FRMPD1: variants seen among roughly 807,000 people sequenced by gnomAD.
FRMPD1 encodes the protein FERM and PDZ domain containing 1.
A neutral mutation model predicts 117.8 loss-of-function variants in FRMPD1; 76 were observed. That is an observed-to-expected ratio of 0.65 (90% confidence interval 0.54 to 0.78). The LOEUF (loss-of-function observed/expected upper bound fraction) is 0.78, where lower values mean the gene tolerates loss of function less well. Ranked by LOEUF, FRMPD1 falls within the 30% of genes least tolerant of loss-of-function variation. The pLI, the probability that FRMPD1 is intolerant of heterozygous loss-of-function variation, is 0.00. For synonymous variants in FRMPD1, 783 were observed against 770.4 expected, an observed-to-expected ratio of 1.02 and a Z score of -0.27; for missense variants, 1,786 against 1,964.5, an observed-to-expected ratio of 0.91 and a Z score of 1.72.
intron 5 of FRMPD1, among the ~76,000 whole-genome samples, 199 bp from the exon 6 acceptor site, chr9:37,718,870 C>T (rs941044523): frequency 3.3e-5 from 5 of 152,170 alleles, no homozygotes; most frequent in Non-Finnish European, 7.3e-5. Flanking sequence ...CAACTATTCT[C>T]AGGTACACGA....
At chr9:37,722,372 G>A (rs986996417) in intron 6 of FRMPD1, among the ~76,000 whole-genome samples, 1 of 151,954 alleles carries the variant, frequency 6.6e-6, no homozygotes, top group African/African-American at 2.4e-5. Context: ...TTTATATTTA[G>A]AAGATTCAAT....
chr9:37,736,851 G>A (rs1447976230), intron 13 of FRMPD1, among the ~76,000 whole-genome samples: 2 of 146,344 alleles, frequency 1.4e-5, no homozygotes, highest in Non-Finnish European at 3.0e-5. Flanking sequence ...GTGTGTGAGT[G>A]CGTGAGAGTG....
chr9:37,710,685 G>T (rs1174617964), intron 4 of FRMPD1, among the ~76,000 whole-genome samples: 1 of 151,874 alleles, frequency 6.6e-6, no homozygotes, highest in Non-Finnish European at 1.5e-5. Context: ...AATTTTTTTG[G>T]GTTGGGCACG....
At chr9:37,715,095 T>C (rs1277792706) in intron 5 of FRMPD1, among the ~76,000 whole-genome samples, 1 of 152,250 alleles carries the variant, frequency 6.6e-6, no homozygotes, top group Non-Finnish European at 1.5e-5. Context: ...CATTAATCAC[T>C]GCTTCCCTAG....
Position 37,744,443 on chromosome 9 carries a change from C to G in FRMPD1, c.2411C>G (p.Ala804Gly). The change falls in exon 16 of 16, where the codon GCC (alanine) becomes GGC (glycine). Residue 804 changes from alanine (A) to glycine (G), a missense_variant. Coordinates refer to ENST00000377765, the MANE Select transcript of FRMPD1 (RefSeq NM_014907.3). ...AGTGCCACAAGCTTGCAGAATAAGGCCAGCACTTCTAGCCCTGAGAACAGC... is the reference window on the plus strand; with the variant it reads ...AGTGCCACAAGCTTGCAGAATAAGGGCAGCACTTCTAGCCCTGAGAACAGC... Reference protein sequence around the residue: ...EPSATSLQNKASTSSPENSLP... With the variant: ...EPSATSLQNKGSTSSPENSLP... 4 of 1,613,756 alleles carry G rather than the reference C, an allele frequency of 2.5e-6. No homozygotes were observed. Among genetic ancestry groups the G allele is most frequent in the Non-Finnish European group, 2.5e-6 (3 of 1,179,852 alleles).
chr9:37,636,912 T>C, the FRMPD1 span: 1 of 1,609,028 alleles, frequency 6.2e-7, no homozygotes, highest in Non-Finnish European at 8.5e-7. Context: ...ACCACCTTCT[T>C]GGTGGTGAGG....
At chr9:37,694,606 G>T (rs7857334) in intron 2 of FRMPD1, among the ~76,000 whole-genome samples, 44,833 of 151,968 alleles carry the variant, frequency 0.3, 7,505 homozygotes, top group East Asian at 0.74. Context: ...GGAGTGCAGT[G>T]GTGTGATCTC....
Position 37,666,834 on chromosome 9 carries a change from A to C in FRMPD1, c.-5+15740A>C, listed in dbSNP as rs1821174738. Among the ~76,000 whole-genome samples, 5 of 152,294 alleles carry C rather than the reference A, an allele frequency of 3.3e-5. 1 individual carries two copies. In the South Asian group the frequency reaches 1.0e-3, roughly 32 times the overall value. ...GCATAATTTCAGGCTAGCAGTCACCAGTTTGTGCCTAGCTTTCTGAGGTAC... is the reference window on the plus strand; with the variant it reads ...GCATAATTTCAGGCTAGCAGTCACCCGTTTGTGCCTAGCTTTCTGAGGTAC... On this transcript the variant is annotated intron_variant, in intron 1 of 15. Transcript: ENST00000377765.
chr9:37,740,951 C>T lies in FRMPD1; in HGVS notation c.2356+67C>T, dbSNP rs549779269. The T allele has an allele frequency of 3.2e-6, 4 of 1,234,188 alleles. No individual in the cohort carries two copies. Among genetic ancestry groups the T allele is most frequent in the African/African-American group, 3.0e-5 (2 of 67,590 alleles). 76.5% of individuals were successfully genotyped at this position (1,234,188 alleles called of 1,614,324 possible). ...CCTGAGTGCCTCCCGGGGATCAAGG[C>T]CTGGGGCCAAGCTTGAGAGGAAGGC... is the stretch of plus-strand genomic sequence containing the variant. On this transcript the variant is annotated intron_variant, in intron 15 of 15. Transcript: ENST00000377765. This position sits in a 1 kb window ranked among gnomAD's most constrained non-coding sequence, Gnocchi z 4.2.
intron 1 of FRMPD1, among the ~76,000 whole-genome samples, chr9:37,688,957 A>T (rs1411579636): frequency 6.6e-6 from 1 of 152,096 alleles, no homozygotes; most frequent in African/African-American, 2.4e-5. Flanking sequence ...TAAGTTAAAC[A>T]TTATTAAAAA....
At chr9:37,690,056 G>T (rs1822080212) in intron 1 of FRMPD1, among the ~76,000 whole-genome samples, 1 of 152,006 alleles carries the variant, frequency 6.6e-6, no homozygotes, top group South Asian at 2.1e-4. Flanking sequence ...AGTTCTTCAA[G>T]AAATTTTTAT....
chr9:37,642,195 T>A, the FRMPD1 span, among the ~76,000 whole-genome samples: 1 of 152,232 alleles, frequency 6.6e-6, no homozygotes, highest in East Asian at 1.9e-4. Flanking sequence ...ACCAGCTATC[T>A]GGATGATCTT....
At chr9:37,699,674 A>G (rs1822464437) in intron 2 of FRMPD1, among the ~76,000 whole-genome samples, 1 of 152,198 alleles carries the variant, frequency 6.6e-6, no homozygotes, top group South Asian at 2.1e-4. Flanking sequence ...TTATAGAGCG[A>G]GATCTAAAGA....
At chr9:37,731,598 G>A (rs1823882465) in intron 9 of FRMPD1, among the ~76,000 whole-genome samples, 1 of 152,178 alleles carries the variant, frequency 6.6e-6, no homozygotes, top group South Asian at 2.1e-4. Flanking sequence ...GGAGCCGGGT[G>A]CGGTAGCTCA....
At chr9:37,670,160 C>T (rs1821303567) in intron 1 of FRMPD1, 1 of 152,096 alleles carries the variant, frequency 6.6e-6, no homozygotes, top group East Asian at 1.9e-4. Flanking sequence ...CTGTATTATA[C>T]TGGGTTTTCT....
intron 2 of FRMPD1, among the ~76,000 whole-genome samples, chr9:37,696,075 T>TAA (rs33919741): frequency 8.3e-6 from 1 of 120,642 alleles, no homozygotes; most frequent in Non-Finnish European, 1.7e-5. Flanking sequence ...TTTTTTTTTT[T>TAA]AATATCTAGA....
At chr9:37,612,515 A>AATT in the FRMPD1 span, among the ~76,000 whole-genome samples, 2 of 92,078 alleles carry the variant, frequency 2.2e-5, no homozygotes, top group Non-Finnish European at 4.2e-5. Context: ...TGCCCAGCTA[A>AATT]TTTTTTTTTT....
At chr9:37,685,043 C>T (rs142414207) in intron 1 of FRMPD1, among the ~76,000 whole-genome samples, 38 of 152,110 alleles carry the variant, frequency 2.5e-4, no homozygotes, top group Admixed American at 3.9e-4. Context: ...CATGAGCCAC[C>T]GCACCCAGCC....
intron 2 of FRMPD1, among the ~76,000 whole-genome samples, chr9:37,706,384 G>T (rs957008685): frequency 6.6e-6 from 1 of 152,178 alleles, no homozygotes; most frequent in African/African-American, 2.4e-5. Context: ...CATTAGGCAG[G>T]GTTCCTGAAA....
Sources: allele counts gnomAD v4.1 joint callset (sites outside exome capture counted in the v4.1 genomes callset), GRCh38; gene constraint gnomAD v4.1.1; non-coding constraint Gnocchi (gnomAD v3.1); transcripts MANE v1.5; gene names NCBI Gene and HGNC (gene_info 2026-07-23, HGNC 2026-07-21).